ACYP2: variants seen among roughly 807,000 people sequenced by gnomAD.
ACYP2 encodes acylphosphatase 2.
ACYP2 carries 12 observed loss-of-function variants against 11.2 expected under a neutral mutation model. The observed-to-expected ratio is 1.08, with a 90% CI of 0.69 to 1.74. The LOEUF is 1.74. Ranked by LOEUF, ACYP2 falls within the 40% of genes most tolerant of loss-of-function variation. The probability of loss-of-function intolerance (pLI) is 0.00; values close to 1 mark genes in which losing one functional copy is unlikely to be tolerated. For synonymous variants in ACYP2, 43 were observed against 32.2 expected, an observed-to-expected ratio of 1.33 and a Z score of -1.13; for missense variants, 134 against 101.9, an observed-to-expected ratio of 1.31 and a Z score of -1.35.
intron 6 of ACYP2, among the ~76,000 whole-genome samples, chr2:54,155,005 T>C: frequency 6.6e-6 from 1 of 152,226 alleles, no homozygotes; most frequent in Non-Finnish European, 1.5e-5. Flanking sequence ...GATTTAGTAT[T>C]GGTAGGTTAT....
chr2:54,149,045 A>G (rs572263729), intron 6 of ACYP2, among the ~76,000 whole-genome samples: 6 of 152,320 alleles, frequency 3.9e-5, no homozygotes, highest in Non-Finnish European at 8.8e-5. Context: ...GAGCTCAAGA[A>G]TTCGTGACCA....
intron 4 of ACYP2, among the ~76,000 whole-genome samples, chr2:54,094,608 G>GC (rs1678417605): frequency 6.6e-6 from 1 of 151,364 alleles, no homozygotes; most frequent in East Asian, 1.9e-4. Context: ...CACCATCTCG[G>GC]CTCACTGCAG....
chr2:54,081,350 A>G (rs953236548), intron 4 of ACYP2, among the ~76,000 whole-genome samples: 2 of 152,202 alleles, frequency 1.3e-5, no homozygotes, highest in African/African-American at 4.8e-5. Flanking sequence ...TCCATCCACA[A>G]TGCACCTCTA....
At chr2:54,069,414 G>A (rs562721358) in intron 4 of ACYP2, among the ~76,000 whole-genome samples, 1 of 151,772 alleles carries the variant, frequency 6.6e-6, no homozygotes, top group Non-Finnish European at 1.5e-5. Context: ...TGTAATCCCA[G>A]CACTTTGGGA....
chr2:54,287,850 T>C (rs1689142753), intron 6 of ACYP2, among the ~76,000 whole-genome samples: 1 of 152,020 alleles, frequency 6.6e-6, no homozygotes, highest in Non-Finnish European at 1.5e-5. Context: ...TGCAGACTTG[T>C]AAGCTGGCTA....
At chr2:53,991,871 AG>A (rs1228443175) in intron 2 of ACYP2, among the ~76,000 whole-genome samples, 1 of 152,032 alleles carries the variant, frequency 6.6e-6, no homozygotes, top group Non-Finnish European at 1.5e-5. Flanking sequence ...GTGCGCTCAT[AG>A]GGTACTGCAG....
intron 6 of ACYP2, among the ~76,000 whole-genome samples, chr2:54,201,440 T>A (rs990173561): frequency 1.3e-5 from 2 of 151,928 alleles, no homozygotes; most frequent in Admixed American, 1.3e-4. Context: ...TAGTAAGAGT[T>A]CTTTATATAT....
At chr2:54,044,432 T>C (rs1276863701) in intron 2 of ACYP2, among the ~76,000 whole-genome samples, 1 of 142,828 alleles carries the variant, frequency 7.0e-6, no homozygotes, top group African/African-American at 2.6e-5. Flanking sequence ...CCGTGTCTAC[T>C]AAAAATACCA....
chr2:54,279,797 C>T (rs780638755), intron 6 of ACYP2, among the ~76,000 whole-genome samples: 35 of 152,230 alleles, frequency 2.3e-4, no homozygotes, highest in Middle Eastern at 3.4e-3. Context: ...AAGTATTATA[C>T]GGAATTGTAA....
intron 2 of ACYP2, among the ~76,000 whole-genome samples, chr2:54,034,117 T>G (rs942506335): frequency 6.6e-6 from 1 of 152,166 alleles, no homozygotes; most frequent in African/African-American, 2.4e-5. Context: ...CAGCCCTTTG[T>G]GAGGCCAAGG....
At chr2:54,108,006 C>T (rs1020946226) in intron 4 of ACYP2, among the ~76,000 whole-genome samples, 6 of 152,254 alleles carry the variant, frequency 3.9e-5, no homozygotes, top group Non-Finnish European at 7.4e-5. Context: ...GCTGCCACTC[C>T]GGGACCCGCC....
chr2:54,001,770 C>T (rs750814061), intron 2 of ACYP2, among the ~76,000 whole-genome samples: 4 of 152,224 alleles, frequency 2.6e-5, no homozygotes, highest in Non-Finnish European at 4.4e-5. Context: ...TATCTGACTT[C>T]TGAAAATACC....
At chr2:54,231,253 A>C (rs1319896202) in intron 6 of ACYP2, among the ~76,000 whole-genome samples, 1 of 152,212 alleles carries the variant, frequency 6.6e-6, no homozygotes. Flanking sequence ...GAGCTGTGTC[A>C]CAGGCTGTGG....
chr2:54,245,093 C>T (rs1270070997), intron 6 of ACYP2, among the ~76,000 whole-genome samples: 2 of 151,030 alleles, frequency 1.3e-5, no homozygotes, highest in Non-Finnish European at 3.0e-5. Flanking sequence ...AAGAGATTGG[C>T]TTTTTTTTTA....
At chr2:54,162,432 A>T (rs752069535) in intron 6 of ACYP2, among the ~76,000 whole-genome samples, 2 of 152,084 alleles carry the variant, frequency 1.3e-5, no homozygotes, top group Non-Finnish European at 2.9e-5. Context: ...GTGCACTTGG[A>T]GCAAAATTCC....
At chr2:54,117,540 G>T (rs997403297) in intron 4 of ACYP2, among the ~76,000 whole-genome samples, 1 of 152,144 alleles carries the variant, frequency 6.6e-6, no homozygotes, top group Non-Finnish European at 1.5e-5. Flanking sequence ...GGATCCTCCT[G>T]CACTTCGCCT....
At chr2:54,135,843 C>A (rs546238167) in intron 5 of ACYP2, among the ~76,000 whole-genome samples, 9 of 152,300 alleles carry the variant, frequency 5.9e-5, no homozygotes, top group Admixed American at 4.6e-4. Flanking sequence ...GCTAATGTTG[C>A]ATAATGAAGT....
chr2:54,227,810 G>A (rs1317612758), intron 6 of ACYP2, among the ~76,000 whole-genome samples: 1 of 152,150 alleles, frequency 6.6e-6, no homozygotes, highest in Non-Finnish European at 1.5e-5. Flanking sequence ...TATGAATAGT[G>A]GTACCTACAT....
At chr2:53,990,906 C>T (rs1672258498) in intron 2 of ACYP2, among the ~76,000 whole-genome samples, 1 of 151,900 alleles carries the variant, frequency 6.6e-6, no homozygotes, top group South Asian at 2.1e-4. Flanking sequence ...ACGCCATTCT[C>T]CTGCCTCAGC....
Sources: allele counts gnomAD v4.1 joint callset (sites outside exome capture counted in the v4.1 genomes callset), GRCh38; gene constraint gnomAD v4.1.1; transcripts MANE v1.5; gene names NCBI Gene and HGNC (gene_info 2026-07-23, HGNC 2026-07-21).